TRIM5: variants seen among roughly 807,000 people sequenced by gnomAD.
TRIM5 encodes the protein tripartite motif containing 5.
Under a neutral mutation model 35.6 loss-of-function variants are expected in TRIM5, and 31 were observed. The ratio of observed to expected loss-of-function variants is 0.87; its 90% CI spans 0.65 to 1.18. TRIM5 has a LOEUF of 1.18. TRIM5 is among the 50% of genes most tolerant of loss of function. The pLI is 0.00. For synonymous variants in TRIM5, 243 were observed against 215.6 expected (o/e 1.13, Z -1.11); for missense variants, 609 against 591.6 (o/e 1.03, Z -0.31).
the TRIM5 span, among the ~76,000 whole-genome samples, chr11:5,602,818 G>C: frequency 0.064 from 9,712 of 151,826 alleles, 491 homozygotes; most frequent in South Asian, 0.11. Flanking sequence ...GCCAGGTGTT[G>C]TGGCACGTGC....
rs550108605 is a variant in TRIM5, at chr11:5,663,704, T to G, written c.*1105A>C. ...GTGATGTTTTGATACATGTATACAT[T>G]GCGTAATAACCGAACCAGGGTAATT... On this transcript the variant is annotated 3_prime_UTR_variant, in exon 8 of 8. Coordinates refer to ENST00000380034, the MANE Select transcript of TRIM5 (RefSeq NM_033034.3). 1 of 489,182 alleles carries G rather than the reference T, an allele frequency of 2.0e-6. No homozygotes were observed. Among genetic ancestry groups the G allele is most frequent in the African/African-American group, 2.1e-5 (1 of 48,124 alleles). The allele number at this position is 489,182 out of a possible 1,614,324, so 30.3% of individuals were successfully genotyped here. A position where few individuals can be genotyped will look rare whatever the true frequency, so the allele number is the denominator to read the frequency against.
the TRIM5 span, chr11:5,603,104 T>G: frequency 1.4e-6 from 2 of 1,392,384 alleles, no homozygotes; most frequent in Non-Finnish European, 1.9e-6. Flanking sequence ...TGAGCCGGGA[T>G]AAAGAACGTA....
At chr11:5,683,233 G>C (rs969741947) in intron 1 of TRIM5, among the ~76,000 whole-genome samples, 1 of 152,134 alleles carries the variant, frequency 6.6e-6, no homozygotes, top group Admixed American at 6.5e-5. Context: ...GACGAGCACC[G>C]CCCCCTGCTC....
At chr11:5,642,633 C>T in the TRIM5 span, 1 of 1,401,498 alleles carries the variant, frequency 7.1e-7, no homozygotes, top group Non-Finnish European at 9.6e-7. Flanking sequence ...AAGGAATATT[C>T]TGTGGTGAAG....
chr11:5,593,690 T>A, the TRIM5 span, among the ~76,000 whole-genome samples: 4 of 152,216 alleles, frequency 2.6e-5, no homozygotes, highest in African/African-American at 9.7e-5. Flanking sequence ...ATATTCCTGG[T>A]ATATACTGAG....
At chr11:5,596,735 C>T in the TRIM5 span, 1 of 1,097,122 alleles carries the variant, frequency 9.1e-7, no homozygotes, top group Non-Finnish European at 1.3e-6. Context: ...CTGCCTTTCT[C>T]GGAACGGAAC....
Position 5,665,099 on chromosome 11 carries a change from C to T in TRIM5, c.1192G>A (p.Gly398Ser), listed in dbSNP as rs768680263. ...EKNENYQPKY[G>S]YWVIGLEEGV... ...TCCTCTAACCCTATAACCCAGTAGC[C>T]GTATTTAGGTTGATAATTTTCATTT... Residue 398 changes from glycine to serine, a missense_variant, in exon 8 of 8, where the codon GGC (glycine) becomes AGC (serine). By Grantham distance (56) the Gly-to-Ser change is moderately conservative. Coordinates refer to ENST00000380034, the MANE Select transcript of TRIM5 (RefSeq NM_033034.3). 6.8e-6 allele frequency: 11 copies of T among 1,614,012 alleles called. No individual in the cohort carries two copies. The Admixed American group carries it at 1.3e-4, about 20-fold the overall frequency.
chr11:5,670,232 C>A (rs1485599711), intron 4 of TRIM5, among the ~76,000 whole-genome samples: 2 of 122,140 alleles, frequency 1.6e-5, no homozygotes, highest in Non-Finnish European at 3.2e-5. Flanking sequence ...GGCTGGAGTG[C>A]AGTGGTGCGA....
the TRIM5 span, chr11:5,590,930 G>A: frequency 6.7e-4 from 108 of 161,192 alleles, no homozygotes; most frequent in Non-Finnish European, 1.3e-3. Context: ...CTCTGGACAC[G>A]CAGTCTTCAA....
the TRIM5 span, among the ~76,000 whole-genome samples, chr11:5,615,597 G>A: frequency 7.5e-6 from 1 of 133,286 alleles, no homozygotes; most frequent in Non-Finnish European, 1.7e-5. Context: ...TGTTGTTGTT[G>A]TTGTTTGTTT....
At position 5,677,448 on chromosome 11, in the gene TRIM5, G is replaced by C. The variant is rs535742180; in HGVS notation, c.744+756C>G. On this transcript the variant is annotated intron_variant, in intron 4 of 7. Coordinates refer to ENST00000380034, the MANE Select transcript of TRIM5 (RefSeq NM_033034.3). ...AGAATGGCAATCATTAAAAAGTCTGGAAACAACAGGTGCTGGAGAGGATGT... is the reference window on the plus strand; with the variant it reads ...AGAATGGCAATCATTAAAAAGTCTGCAAACAACAGGTGCTGGAGAGGATGT... 1.1e-4 allele frequency among the ~76,000 whole-genome samples: 17 copies of C among 152,300 alleles called. No homozygotes were observed. In the South Asian group the frequency reaches 3.3e-3, roughly 30 times the overall value.
the TRIM5 span, among the ~76,000 whole-genome samples, chr11:5,657,078 T>C: frequency 6.6e-6 from 1 of 152,178 alleles, no homozygotes; most frequent in Non-Finnish European, 1.5e-5. Context: ...CTATCAATGA[T>C]AGACTGGATA....
chr11:5,616,789 GAGTGC>G, the TRIM5 span, among the ~76,000 whole-genome samples: 1 of 140,876 alleles, frequency 7.1e-6, no homozygotes, highest in Non-Finnish European at 1.5e-5. Context: ...GCCCATGCTG[GAGTGC>G]AGTGGCACGA....
At chr11:5,639,358 CA>C in the TRIM5 span, among the ~76,000 whole-genome samples, 1 of 151,892 alleles carries the variant, frequency 6.6e-6, no homozygotes, top group African/African-American at 2.4e-5. Context: ...TAAAGGTTGA[CA>C]AAAAACAGCA....
the TRIM5 span, chr11:5,590,080 G>A: frequency 2.1e-3 from 325 of 156,752 alleles, 1 homozygote; most frequent in Middle Eastern, 6.5e-3. Flanking sequence ...CCGGCACTGC[G>A]CTCGATTTCT....
At chr11:5,615,565 T>C in the TRIM5 span, among the ~76,000 whole-genome samples, 1 of 136,554 alleles carries the variant, frequency 7.3e-6, no homozygotes, top group East Asian at 2.2e-4. Context: ...CACTCCAGCT[T>C]TCTTGTTTTT....
chr11:5,670,166 C>T (rs1267909791), intron 4 of TRIM5, among the ~76,000 whole-genome samples: 7 of 145,492 alleles, frequency 4.8e-5, no homozygotes, highest in African/African-American at 1.8e-4. Flanking sequence ...GATCAGATGC[C>T]CATCTTTTTT....
intron 1 of TRIM5, among the ~76,000 whole-genome samples, chr11:5,681,529 C>T (rs965432321): frequency 2.6e-5 from 4 of 152,098 alleles, no homozygotes; most frequent in Admixed American, 1.3e-4. Context: ...TAGATGGGTC[C>T]GGGTGCTGGG....
the TRIM5 span, among the ~76,000 whole-genome samples, chr11:5,594,623 C>T: frequency 6.6e-6 from 1 of 151,730 alleles, no homozygotes; most frequent in African/African-American, 2.4e-5. Context: ...TTTTTTTTAA[C>T]TGAGCCTACT....
Sources: gnomAD v4.1 joint callset for allele counts (sites outside exome capture counted in the v4.1 genomes callset) on GRCh38, gnomAD v4.1.1 for gene constraint, MANE v1.5 for transcripts, NCBI Gene and HGNC (gene_info 2026-07-23, HGNC 2026-07-21) for gene names.